Variants in KCNB2 observed in about 807,000 individuals in gnomAD.
KCNB2 encodes the protein potassium voltage-gated channel subfamily B member 2, also known as delayed rectifier potassium channel protein.
A neutral mutation model predicts 61.5 loss-of-function variants in KCNB2; 15 were observed. The observed-to-expected ratio is 0.24, with a 90% CI of 0.16 to 0.38. KCNB2 has a LOEUF of 0.38. KCNB2 is among the 10% of genes least tolerant of loss of function. The pLI, the probability that KCNB2 is intolerant of heterozygous loss-of-function variation, is 1.00. For missense variants in KCNB2, 828 were observed against 1,125.2 expected (o/e 0.74, Z 3.78); for synonymous variants, 457 against 446.0 (o/e 1.02, Z -0.31).
intron 2 of KCNB2, among the ~76,000 whole-genome samples, chr8:72,747,401 G>T (rs1343667026): frequency 6.6e-6 from 1 of 152,090 alleles, no homozygotes; most frequent in Non-Finnish European, 1.5e-5. Context: ...TTGGGGGTAT[G>T]GGCTCTGACT....
chr8:72,855,832 C>T (rs1810198009), intron 2 of KCNB2, among the ~76,000 whole-genome samples: 2 of 152,126 alleles, frequency 1.3e-5, no homozygotes, highest in African/African-American at 4.8e-5. Context: ...GGACCTCCCA[C>T]GGATACCACA....
intron 2 of KCNB2, among the ~76,000 whole-genome samples, chr8:72,788,678 C>T (rs190106180): frequency 6.6e-6 from 1 of 152,136 alleles, no homozygotes; most frequent in East Asian, 1.9e-4. Flanking sequence ...AGTTTCAGTC[C>T]ACAGTGATCC....
At position 72,537,265 on chromosome 8, in the gene KCNB2, G is replaced by A. The variant is rs1806123251; in HGVS notation, c.-714G>A. 1 of 151,600 alleles carries A rather than the reference G, an allele frequency of 6.6e-6. No homozygotes were observed. Among genetic ancestry groups the A allele is most frequent in the South Asian group, 2.0e-4 (1 of 5,106 alleles). The allele number at this position is 151,600 out of a possible 1,614,324, so 9.4% of individuals were successfully genotyped here. A position where few individuals can be genotyped will look rare whatever the true frequency, so the allele number is the denominator to read the frequency against. On this transcript the variant is annotated 5_prime_UTR_variant, in exon 1 of 3. Coordinates refer to ENST00000523207, the MANE Select transcript of KCNB2 (RefSeq NM_004770.3). ...CGCCGGGCCGGCTAGCTGCGGGGCG[G>A]GGGAGCGGCGCCCCAGAGCGCCCCG...
intron 2 of KCNB2, among the ~76,000 whole-genome samples, chr8:72,788,069 T>C (rs994011770): frequency 1.3e-5 from 2 of 152,186 alleles, no homozygotes; most frequent in Non-Finnish European, 2.9e-5. Context: ...GTAAAGAGGA[T>C]TAAATAAGAT....
chr8:72,568,575 G>C (rs1253042623), intron 2 of KCNB2, among the ~76,000 whole-genome samples: 2 of 152,182 alleles, frequency 1.3e-5, no homozygotes, highest in East Asian at 3.9e-4. Context: ...GAGAGTCCTG[G>C]TTTTCCTGGC....
At chr8:72,542,339 C>G (rs571167493) in intron 1 of KCNB2, among the ~76,000 whole-genome samples, 1 of 152,190 alleles carries the variant, frequency 6.6e-6, no homozygotes, top group Non-Finnish European at 1.5e-5. Flanking sequence ...TATAGCCAAC[C>G]TTGAACCTAC....
intron 2 of KCNB2, among the ~76,000 whole-genome samples, chr8:72,586,758 T>A (rs191068924): frequency 1.3e-5 from 2 of 152,360 alleles, no homozygotes; most frequent in East Asian, 3.9e-4. Context: ...TCAGCCATGC[T>A]GTCCAGACAT....
intron 2 of KCNB2, among the ~76,000 whole-genome samples, chr8:72,931,314 G>A (rs1806779239): frequency 6.6e-6 from 1 of 152,114 alleles, no homozygotes; most frequent in Admixed American, 6.6e-5. Flanking sequence ...CTTTAAGGTA[G>A]TTTTTTCCAA....
intron 2 of KCNB2, among the ~76,000 whole-genome samples, chr8:72,901,469 C>G (rs1563418266): frequency 6.6e-6 from 1 of 152,114 alleles, no homozygotes. Flanking sequence ...CTTTTCTGCA[C>G]CAAAAGCAGT....
intron 2 of KCNB2, among the ~76,000 whole-genome samples, chr8:72,609,984 C>G (rs1805512324): frequency 6.6e-6 from 1 of 152,092 alleles, no homozygotes; most frequent in South Asian, 2.1e-4. Context: ...CTTCTTTCTT[C>G]TTATGTAAAA....
chr8:72,695,416 G>T (rs984085115), intron 2 of KCNB2, among the ~76,000 whole-genome samples: 1 of 152,066 alleles, frequency 6.6e-6, no homozygotes, highest in Non-Finnish European at 1.5e-5. Flanking sequence ...TAGGGACCAG[G>T]TATTTAAATA....
rs1806495259 is a variant in KCNB2 at position 72,560,512 on chromosome 8, T to TC, written c.-93-7128dup. Among the ~76,000 whole-genome samples, 4 of 152,316 alleles carry TC rather than the reference T, an allele frequency of 2.6e-5. No homozygotes were observed. In the South Asian group the frequency reaches 8.3e-4, roughly 32 times the overall value. On this transcript the variant is annotated intron_variant, in intron 1 of 2. Coordinates refer to ENST00000523207, the MANE Select transcript of KCNB2 (RefSeq NM_004770.3). ...CCAGTAGATTCTCTGTTGGTTGCCT[T>TC]CCTTATTTTTTTCATCACCTTTCAT...
At chr8:72,540,161 C>T (rs1205783817) in intron 1 of KCNB2, among the ~76,000 whole-genome samples, 1 of 152,086 alleles carries the variant, frequency 6.6e-6, no homozygotes, top group Non-Finnish European at 1.5e-5. Flanking sequence ...TGAAAGTAGA[C>T]CCAAATCTAG....
intron 2 of KCNB2, among the ~76,000 whole-genome samples, chr8:72,701,211 CCT>C (rs201120426): frequency 2.6e-5 from 4 of 152,048 alleles, no homozygotes; most frequent in Middle Eastern, 3.4e-3. Flanking sequence ...ACAAGTACCC[CCT>C]GAGTCTAAAA....
intron 2 of KCNB2, among the ~76,000 whole-genome samples, chr8:72,803,982 A>T (rs767948419): frequency 6.6e-6 from 1 of 152,188 alleles, no homozygotes; most frequent in Non-Finnish European, 1.5e-5. Context: ...TGTTCCAGAA[A>T]AGAAAGTGGT....
chr8:72,893,500 C>T (rs1044384058), intron 2 of KCNB2, among the ~76,000 whole-genome samples: 1 of 152,070 alleles, frequency 6.6e-6, no homozygotes, highest in Non-Finnish European at 1.5e-5. Context: ...TAATACCTTC[C>T]ACAAAATAAT....
chr8:72,848,185 T>C (rs1448049668), intron 2 of KCNB2, among the ~76,000 whole-genome samples: 1 of 152,212 alleles, frequency 6.6e-6, no homozygotes, highest in Non-Finnish European at 1.5e-5. Flanking sequence ...ATTTTCACTC[T>C]ATCAATCATA....
chr8:72,692,086 A>C (rs1403915196), intron 2 of KCNB2, among the ~76,000 whole-genome samples: 2 of 151,948 alleles, frequency 1.3e-5, no homozygotes, highest in Non-Finnish European at 2.9e-5. Flanking sequence ...AATACAAAAA[A>C]TTAGCCAGAC....
At chr8:72,829,098 A>C (rs1486510485) in intron 2 of KCNB2, among the ~76,000 whole-genome samples, 1 of 152,176 alleles carries the variant, frequency 6.6e-6, no homozygotes, top group East Asian at 1.9e-4. Context: ...ATCTGCCCCC[A>C]AAGCCAAAAT....
Sources: gnomAD v4.1 joint callset for allele counts (sites outside exome capture counted in the v4.1 genomes callset) on GRCh38, gnomAD v4.1.1 for gene constraint, MANE v1.5 for transcripts, NCBI Gene and HGNC (gene_info 2026-07-23, HGNC 2026-07-21) for gene names.